Variants in MBNL2 observed in about 807,000 individuals in gnomAD.
MBNL2 encodes muscleblind like splicing regulator 2.
MBNL2 carries 17 observed loss-of-function variants against 41.9 expected under a neutral mutation model. That is an observed-to-expected ratio of 0.41 (90% confidence interval 0.28 to 0.61). MBNL2 has a LOEUF of 0.61. MBNL2 is among the 20% of genes least tolerant of loss of function. The pLI, the probability that MBNL2 is intolerant of heterozygous loss-of-function variation, is 0.35. For synonymous variants in MBNL2, 195 were observed against 182.9 expected (o/e 1.07, Z -0.53); for missense variants, 336 against 505.6 (o/e 0.66, Z 3.22).
At chr13:97,356,623 GC>G (rs2063012264) in intron 5 of MBNL2, among the ~76,000 whole-genome samples, 172 bp from the exon 6 acceptor site, 1 of 152,082 alleles carries the variant, frequency 6.6e-6, no homozygotes, top group East Asian at 1.9e-4. Flanking sequence ...TGTTGTGCAT[GC>G]CTAGTGTTTT....
chr13:97,163,027 CCTGAG>C, the MBNL2 span, among the ~76,000 whole-genome samples: 1 of 152,130 alleles, frequency 6.6e-6, no homozygotes. Context: ...CCTTTGTCAA[CCTGAG>C]CTGCAGAGTG....
intron 2 of MBNL2, among the ~76,000 whole-genome samples, chr13:97,295,018 G>T (rs762008660): frequency 4.6e-5 from 7 of 152,186 alleles, no homozygotes; most frequent in Non-Finnish European, 8.8e-5. Context: ...TGGTATCATT[G>T]TGAGGGGAAA....
chr13:97,214,495 A>G, the MBNL2 span, among the ~76,000 whole-genome samples: 1 of 152,212 alleles, frequency 6.6e-6, no homozygotes, highest in African/African-American at 2.4e-5. Context: ...AAGGCAGTAA[A>G]TGCTCCAGAA....
At chr13:97,230,941 A>G (rs1224611663) in intron 1 of MBNL2, among the ~76,000 whole-genome samples, 1 of 152,210 alleles carries the variant, frequency 6.6e-6, no homozygotes, top group East Asian at 1.9e-4. Context: ...ATCTTCACTA[A>G]TAAGCAGAGA....
chr13:97,220,283 C>G (rs1010511241), upstream of MBNL2, among the ~76,000 whole-genome samples: 2 of 152,204 alleles, frequency 1.3e-5, no homozygotes, highest in Admixed American at 6.5e-5. Flanking sequence ...GAAAAATCAA[C>G]TCAGGCAAGC....
At chr13:97,226,208 T>C (rs537450841) in intron 1 of MBNL2, among the ~76,000 whole-genome samples, 1 of 152,172 alleles carries the variant, frequency 6.6e-6, no homozygotes, top group African/African-American at 2.4e-5. Flanking sequence ...TAAAAACAGG[T>C]GTGAAAGGTA....
chr13:97,293,477 C>A (rs1214141172), intron 2 of MBNL2, among the ~76,000 whole-genome samples: 2 of 152,170 alleles, frequency 1.3e-5, no homozygotes, highest in African/African-American at 4.8e-5. Flanking sequence ...GTACATGACA[C>A]TTGAGAAGAT....
At chr13:97,348,473 G>A (rs910593786) in intron 5 of MBNL2, among the ~76,000 whole-genome samples, 1 of 152,098 alleles carries the variant, frequency 6.6e-6, no homozygotes, top group African/African-American at 2.4e-5. Flanking sequence ...TGAGCTCTCT[G>A]GCTTATCAGA....
chr13:97,158,311 G>A, the MBNL2 span, among the ~76,000 whole-genome samples: 94 of 150,520 alleles, frequency 6.2e-4, no homozygotes, highest in African/African-American at 1.1e-3. Context: ...TCTTGCTAGC[G>A]GTCTATCAAT....
chr13:97,385,727 A>T lies in MBNL2; in HGVS notation c.1049-5595A>T, dbSNP rs1160770744. ...TACATACGTACAATTCCTGGAGATC[A>T]ACCTCAAGGTAGAAAACCCAGAATG... On this transcript the variant is annotated intron_variant, in intron 8 of 8. Coordinates refer to ENST00000679496, the MANE Select transcript of MBNL2 (RefSeq NM_001382683.1). Among the ~76,000 whole-genome samples the T allele has an allele frequency of 3.3e-5, 5 of 152,324 alleles. No individual in the cohort carries two copies. The East Asian group carries it at 9.7e-4, about 29-fold the overall frequency.
the MBNL2 span, among the ~76,000 whole-genome samples, chr13:97,153,433 G>T: frequency 6.6e-6 from 1 of 151,878 alleles, no homozygotes; most frequent in Non-Finnish European, 1.5e-5. Context: ...AAATTATTTA[G>T]GTACATGTAG....
chr13:97,165,209 GA>G, the MBNL2 span, among the ~76,000 whole-genome samples: 16 of 149,872 alleles, frequency 1.1e-4, no homozygotes, highest in African/African-American at 3.7e-4. Context: ...ATGTCCAAAA[GA>G]AAAAAAAACC....
rs1256293739 is a variant in MBNL2 at position 97,366,196 on chromosome 13, C to T, written c.1048+1025C>T. Among the ~76,000 whole-genome samples the T allele has an allele frequency of 6.6e-6, 1 of 152,162 alleles. No homozygotes were observed. Among genetic ancestry groups the T allele is most frequent in the Admixed American group, 6.5e-5 (1 of 15,280 alleles). On this transcript the variant is annotated intron_variant, in intron 8 of 8. Transcript: ENST00000679496. The surrounding 1 kb of genome is among the most constrained non-coding windows in gnomAD (Gnocchi z 4.7). ...GTTAGAAATAAAATGTTTATAAATA[C>T]ATCAACCAAAGTAATCTGCTTTGGC...
intron 1 of MBNL2, among the ~76,000 whole-genome samples, chr13:97,252,146 G>A (rs1228334046): frequency 6.6e-6 from 1 of 152,058 alleles, no homozygotes; most frequent in Non-Finnish European, 1.5e-5. Context: ...CACCGCGCCC[G>A]GCCGTATCCT....
At chr13:97,203,529 C>T in the MBNL2 span, among the ~76,000 whole-genome samples, 1 of 152,152 alleles carries the variant, frequency 6.6e-6, no homozygotes, top group Non-Finnish European at 1.5e-5. Context: ...TGGCTTTCCT[C>T]TACCTCAAAA....
the MBNL2 span, among the ~76,000 whole-genome samples, chr13:97,166,837 TAGAA>T: frequency 6.2e-4 from 89 of 143,498 alleles, no homozygotes; most frequent in Non-Finnish European, 1.1e-3. Context: ...GATAGATAGA[TAGAA>T]AGATAGATAG....
the MBNL2 span, among the ~76,000 whole-genome samples, chr13:97,211,266 T>C: frequency 1.3e-5 from 2 of 152,138 alleles, no homozygotes; most frequent in African/African-American, 4.8e-5. Context: ...TTGGACTGCT[T>C]TGCGAAATAA....
At chr13:97,348,235 T>A (rs1255719262) in intron 5 of MBNL2, among the ~76,000 whole-genome samples, 3 of 151,948 alleles carry the variant, frequency 2.0e-5, no homozygotes, top group Non-Finnish European at 2.9e-5. Context: ...AGTTCTAATT[T>A]TTTTTGTAGA....
At chr13:97,177,396 G>C in the MBNL2 span, among the ~76,000 whole-genome samples, 1 of 152,066 alleles carries the variant, frequency 6.6e-6, no homozygotes, top group Non-Finnish European at 1.5e-5. Context: ...ACAATATGAT[G>C]CCATAAAAAT....
Sources: gnomAD v4.1 joint callset for allele counts (sites outside exome capture counted in the v4.1 genomes callset) on GRCh38, gnomAD v4.1.1 for gene constraint, Gnocchi (gnomAD v3.1) non-coding constraint, MANE v1.5 for transcripts, NCBI Gene and HGNC (gene_info 2026-07-23, HGNC 2026-07-21) for gene names.